The following EMID1 variants were observed in gnomAD, a reference collection of about 807,000 sequenced individuals.
EMID1 encodes EMI domain-containing protein 1.
Under a neutral mutation model 60.6 loss-of-function variants are expected in EMID1, and 40 were observed. The observed-to-expected ratio is 0.66, with a 90% CI of 0.51 to 0.86. EMID1 has a LOEUF of 0.86. EMID1 is among the 40% of genes least tolerant of loss of function. The pLI is 0.00. For synonymous variants in EMID1, 242 were observed against 231.0 expected (o/e 1.05, Z -0.43); for missense variants, 585 against 597.1 (o/e 0.98, Z 0.21).
At chr22:29,228,543 C>G (rs948606314) in intron 5 of EMID1, among the ~76,000 whole-genome samples, 13 of 152,168 alleles carry the variant, frequency 8.5e-5, no homozygotes, top group African/African-American at 3.1e-4. Context: ...CCATTCTTTG[C>G]TCCATCATTC....
At chr22:29,244,059 G>A (rs2041240429) in intron 13 of EMID1, among the ~76,000 whole-genome samples, 1 of 152,224 alleles carries the variant, frequency 6.6e-6, no homozygotes, top group African/African-American at 2.4e-5. Context: ...AAACTGCTAT[G>A]TACACGTTTG....
intron 13 of EMID1, among the ~76,000 whole-genome samples, chr22:29,244,771 A>G (rs1602028622): frequency 6.6e-6 from 1 of 152,310 alleles, no homozygotes; most frequent in Non-Finnish European, 1.5e-5. Flanking sequence ...CGAGGACCCT[A>G]AAACATACCA....
At chr22:29,225,078 G>A (rs575942465) in intron 3 of EMID1, 55 bp from the exon 4 acceptor site, 7 of 1,580,254 alleles carry the variant, frequency 4.4e-6, no homozygotes, top group Non-Finnish European at 6.1e-6. Context: ...TGGGCAGGGG[G>A]GCCTGAGGAG....
At chr22:29,240,829 T>G (rs894686405) in intron 12 of EMID1, among the ~76,000 whole-genome samples, 1 of 152,174 alleles carries the variant, frequency 6.6e-6, no homozygotes, top group Admixed American at 6.5e-5. Context: ...GGACGCACTT[T>G]CTCTCTCAAA....
At chr22:29,213,470 G>T (rs1215325014) in intron 1 of EMID1, among the ~76,000 whole-genome samples, 1 of 152,186 alleles carries the variant, frequency 6.6e-6, no homozygotes, top group African/African-American at 2.4e-5. Context: ...TTCTGGTGTG[G>T]CACAGAAAGA....
chr22:29,219,547 A>C (rs113555419), intron 3 of EMID1, among the ~76,000 whole-genome samples: 10,912 of 152,242 alleles, frequency 0.072, 569 homozygotes, highest in Non-Finnish European at 0.096. Context: ...TGGGAGGCCA[A>C]GGCAGGAGGA....
At chr22:29,234,530 C>T (rs1329147871) in intron 12 of EMID1, among the ~76,000 whole-genome samples, 181 bp downstream of exon 12, 1 of 152,204 alleles carries the variant, frequency 6.6e-6, no homozygotes, top group Non-Finnish European at 1.5e-5. Context: ...CTGTCTCTCT[C>T]ACTCTGGCTC....
chr22:29,233,639 A>G lies in EMID1; in HGVS notation c.939A>G (p.Thr313=), dbSNP rs779948212. Residue 313 remains threonine, a synonymous_variant, in exon 10 of 15, where the codon ACA becomes ACG. Transcript: ENST00000334018. ...PMGPPGPPGP[T]GVPGSPGHIG... ...GTCCCCCTGGGCCTCCTGGCCCCAC[A>G]GGTGTCCCTGGGAGTCCTGGTCACA... The G allele has an allele frequency of 6.2e-7, 1 of 1,613,960 alleles. No homozygotes were observed. The highest frequency in any genetic ancestry group is 1.7e-4 in the Middle Eastern group (1 of 6,060).
At chr22:29,213,175 C>T (rs932399064) in intron 1 of EMID1, among the ~76,000 whole-genome samples, 4 of 152,178 alleles carry the variant, frequency 2.6e-5, no homozygotes, top group East Asian at 3.8e-4. Flanking sequence ...TTTTCCTCCC[C>T]GTAACTAGGT....
At chr22:29,218,730 C>A (rs1197210972) in intron 3 of EMID1, among the ~76,000 whole-genome samples, 1 of 152,220 alleles carries the variant, frequency 6.6e-6, no homozygotes. Flanking sequence ...CTGGGCCTGA[C>A]CCCTGAGTGC....
rs913389419 is a variant in EMID1, at chr22:29,231,285, C to T, written c.586+145C>T. The T allele has an allele frequency of 1.7e-5, 22 of 1,267,114 alleles. 1 individual carries two copies. Among genetic ancestry groups the T allele is most frequent in the South Asian group, 1.6e-4 (10 of 64,044 alleles). The allele number at this position is 1,267,114 out of a possible 1,614,324, so 78.5% of individuals were successfully genotyped here. ...CTTCCCATTTCCCGTTTCTTAGACCCGCCTAAGAGGACCGTCTCCTGGGAC... is the reference window on the plus strand; with the variant it reads ...CTTCCCATTTCCCGTTTCTTAGACCTGCCTAAGAGGACCGTCTCCTGGGAC... On this transcript the variant is annotated intron_variant, in intron 6 of 14. Coordinates refer to ENST00000334018, the MANE Select transcript of EMID1 (RefSeq NM_133455.4).
intron 3 of EMID1, among the ~76,000 whole-genome samples, chr22:29,219,271 C>G (rs967770113): frequency 6.6e-6 from 1 of 152,166 alleles, no homozygotes; most frequent in Non-Finnish European, 1.5e-5. Context: ...CCAGTCTCAG[C>G]CCCAGCTCCT....
rs755633699 is a variant in EMID1, at chr22:29,231,580, CT to C, written c.587-10del. ...GATGTGGAGCTGCCAGTCTGATATG[CT>C]TTACCCCCCAGACCAAGTCGGTGCT... is the stretch of plus-strand genomic sequence containing the variant. On this transcript the variant is annotated splice_polypyrimidine_tract_variant and intron_variant, in intron 6 of 14. Coordinates refer to ENST00000334018, the MANE Select transcript of EMID1 (RefSeq NM_133455.4). The C allele has an allele frequency of 4.0e-5, 62 of 1,547,576 alleles. No individual in the cohort carries two copies. Among genetic ancestry groups the C allele is most frequent in the Admixed American group, 7.9e-5 (4 of 50,820 alleles).
At chr22:29,255,159 G>T (rs906066183) in intron 14 of EMID1, 4 of 638,870 alleles carry the variant, frequency 6.3e-6, no homozygotes, top group Admixed American at 3.2e-5. Flanking sequence ...TCACTCCCAG[G>T]CTCCTGCCCT....
chr22:29,231,653 G>A lies in EMID1; in HGVS notation c.647G>A (p.Arg216Gln), dbSNP rs752750191. 21 of 1,477,526 alleles carry A rather than the reference G, an allele frequency of 1.4e-5. No individual in the cohort carries two copies. The highest frequency in any genetic ancestry group is 1.3e-4 in the African/African-American group (9 of 71,096). The allele number at this position is 1,477,526 out of a possible 1,614,324, so 91.5% of individuals were successfully genotyped here. A position where few individuals can be genotyped will look rare whatever the true frequency, so the allele number is the denominator to read the frequency against. Residue 216 changes from arginine (R) to glutamine (Q), a missense_variant, in exon 7 of 15, where the codon CGG becomes CAG. Coordinates refer to ENST00000334018, the MANE Select transcript of EMID1 (RefSeq NM_133455.4). ...PTGPKGDAGS[R>Q]GPMGMRGPPG... ...GGCCCCAAGGGAGATGCCGGCAGTCGGGGCCCAATGGGGATGAGAGGCCCA... is the reference window on the plus strand; with the variant it reads ...GGCCCCAAGGGAGATGCCGGCAGTCAGGGCCCAATGGGGATGAGAGGCCCA...
At chr22:29,225,259 G>A (rs2040461403) in intron 4 of EMID1, 43 bp downstream of exon 4, 2 of 1,603,174 alleles carry the variant, frequency 1.2e-6, no homozygotes, top group East Asian at 2.2e-5. Context: ...TGGGCTGAGG[G>A]AGCCCTGGAG....
chr22:29,233,584 C>T lies in EMID1; in HGVS notation c.914-30C>T, dbSNP rs137906640. The T allele has an allele frequency of 3.1e-5, 50 of 1,612,066 alleles. No homozygotes were observed. The East Asian group carries it at 8.0e-4, about 26-fold the overall frequency. On this transcript the variant is annotated intron_variant, in intron 9 of 14. Coordinates refer to ENST00000334018, the MANE Select transcript of EMID1 (RefSeq NM_133455.4). ...CACTTCCTGAGATTGTACTTTGTTC[C>T]GGCCCTTAGGACATCCTGTCTTTTT... is the stretch of plus-strand genomic sequence containing the variant.
chr22:29,255,301 C>T, intron 14 of EMID1: 1 of 1,515,042 alleles, frequency 6.6e-7, no homozygotes, highest in African/African-American at 1.4e-5. Flanking sequence ...CCTGCAGCAG[C>T]AGGCTCAGCT....
In EMID1 at chr22:29,246,384, C is replaced by T. The variant is rs549981749; in HGVS notation, c.1119+2895C>T. Among the ~76,000 whole-genome samples the T allele has an allele frequency of 3.3e-5, 5 of 152,288 alleles. 1 individual carries two copies. The South Asian group carries it at 8.3e-4, about 25-fold the overall frequency. ...TTTTTTTTATTTGCAAAGAATCCCT[C>T]TGATTGCCATGGCGAATGGATGGGA... is the stretch of plus-strand genomic sequence containing the variant. On this transcript the variant is annotated intron_variant, in intron 13 of 14. Transcript: ENST00000334018.
Sources: gnomAD v4.1 joint callset for allele counts (sites outside exome capture counted in the v4.1 genomes callset) on GRCh38, gnomAD v4.1.1 for gene constraint, MANE v1.5 for transcripts, NCBI Gene and HGNC (gene_info 2026-07-23, HGNC 2026-07-21) for gene names.